Variants in N4BP2L2 observed in about 807,000 individuals in gnomAD.
N4BP2L2 encodes the protein NEDD4 binding protein 2 like 2, also known as NEDD4-binding protein 2-like 2.
A neutral mutation model predicts 56.2 loss-of-function variants in N4BP2L2; 50 were observed. That is an observed-to-expected ratio of 0.89 (90% CI 0.71 to 1.13). The LOEUF is 1.13. Ranked by LOEUF, N4BP2L2 falls within the 50% of genes most tolerant of loss-of-function variation. The probability of loss-of-function intolerance (pLI) is 0.00; values close to 1 mark genes in which losing one functional copy is unlikely to be tolerated. For synonymous variants in N4BP2L2, 203 were observed against 223.6 expected, an observed-to-expected ratio of 0.91 and a Z score of 0.82; for missense variants, 689 against 693.8, an observed-to-expected ratio of 0.99 and a Z score of 0.08.
intron 6 of N4BP2L2, chr13:32,505,168 C>T (rs919952819): frequency 6.6e-6 from 1 of 152,308 alleles, no homozygotes; most frequent in Non-Finnish European, 1.5e-5. Context: ...ATTCTTCCCT[C>T]TTCTTGAAGA....
chr13:32,535,734 A>C (rs1566195096), intron 2 of N4BP2L2, 35 bp downstream of exon 2: 6 of 1,565,664 alleles, frequency 3.8e-6, no homozygotes, highest in Non-Finnish European at 5.2e-6. Context: ...TTAAATAATG[A>C]ATTACCAAGT....
chr13:32,480,466 G>T, intron 6 of N4BP2L2: 1 of 409,460 alleles, frequency 2.4e-6, no homozygotes, highest in Non-Finnish European at 4.3e-6. Flanking sequence ...GCACTTACTA[G>T]TTAGTTGGAC....
chr13:32,536,293 T>C (rs1229902661), exon 2 of N4BP2L2: 34 of 1,613,492 alleles, frequency 2.1e-5, no homozygotes, highest in Non-Finnish European at 2.7e-5. Flanking sequence ...TACAGGGATA[T>C]TTGTCTGGCT....
At chr13:32,518,074 G>A in intron 5 of N4BP2L2, 71 bp from the exon 6 acceptor site, 3 of 1,337,454 alleles carry the variant, frequency 2.2e-6, no homozygotes, top group South Asian at 1.5e-5. Context: ...CTGTTTTAGA[G>A]AAAAAGCACA....
At chr13:32,522,059 C>A in intron 4 of N4BP2L2, 123 bp downstream of exon 4, 1 of 664,426 alleles carries the variant, frequency 1.5e-6, no homozygotes, top group South Asian at 1.9e-5. Flanking sequence ...AGCAAACCAA[C>A]AAACCTCTTT....
At chr13:32,450,273 T>A (rs953882497) in intron 6 of N4BP2L2, among the ~76,000 whole-genome samples, 1 of 152,028 alleles carries the variant, frequency 6.6e-6, no homozygotes, top group African/African-American at 2.4e-5. Context: ...GTAGAAAAAT[T>A]ATAATGGAAA....
At chr13:32,507,383 C>T (rs192607687), downstream of N4BP2L2, 9 of 152,156 alleles carry the variant, frequency 5.9e-5, no homozygotes, top group East Asian at 1.2e-3. Context: ...CCATTAGGTA[C>T]AAAAATCAAT....
chr13:32,487,541 A>G (rs2086153743), intron 6 of N4BP2L2, among the ~76,000 whole-genome samples: 1 of 151,482 alleles, frequency 6.6e-6, no homozygotes. Flanking sequence ...GCATTGTGGC[A>G]TGCGCCTGTA....
intron 6 of N4BP2L2, among the ~76,000 whole-genome samples, chr13:32,464,842 A>C (rs752813079): frequency 6.6e-6 from 1 of 152,248 alleles, no homozygotes; most frequent in Non-Finnish European, 1.5e-5. Context: ...TGAAATAAAA[A>C]CCAACCTCAT....
intron 2 of N4BP2L2, among the ~76,000 whole-genome samples, chr13:32,530,765 T>C (rs1205353573): frequency 2.6e-5 from 4 of 151,932 alleles, no homozygotes; most frequent in Admixed American, 1.3e-4. Context: ...AGGCCTCCAA[T>C]GATCCCTGCC....
At chr13:32,531,241 C>T (rs1017256564) in intron 2 of N4BP2L2, among the ~76,000 whole-genome samples, 1 of 152,180 alleles carries the variant, frequency 6.6e-6, no homozygotes, top group Non-Finnish European at 1.5e-5. Flanking sequence ...ACAGAAACTA[C>T]GAGGCAATAT....
intron 2 of N4BP2L2, among the ~76,000 whole-genome samples, chr13:32,530,459 T>C (rs570110797): frequency 1.3e-5 from 2 of 152,318 alleles, no homozygotes; most frequent in South Asian, 4.1e-4. Flanking sequence ...TCAAGTCAGG[T>C]ACTAAAATGG....
intron 6 of N4BP2L2, among the ~76,000 whole-genome samples, chr13:32,451,785 A>C (rs1330929796): frequency 6.6e-6 from 1 of 151,664 alleles, no homozygotes; most frequent in East Asian, 1.9e-4. Context: ...TCCTGGGCTC[A>C]AGCAATCCTC....
chr13:32,456,670 GAGAT>G (rs2079036886), intron 6 of N4BP2L2, among the ~76,000 whole-genome samples: 5 of 152,142 alleles, frequency 3.3e-5, no homozygotes, highest in Admixed American at 3.3e-4. Context: ...AAATTCACCA[GAGAT>G]AGATATCATA....
chr13:32,479,502 C>T (rs974343803), intron 6 of N4BP2L2, among the ~76,000 whole-genome samples: 4 of 151,652 alleles, frequency 2.6e-5, no homozygotes, highest in East Asian at 3.9e-4. Flanking sequence ...AGGATGGTCT[C>T]GATCTCCTGA....
intron 2 of N4BP2L2, among the ~76,000 whole-genome samples, chr13:32,532,167 G>A (rs1407055919): frequency 1.3e-5 from 2 of 152,008 alleles, no homozygotes; most frequent in Non-Finnish European, 1.5e-5. Context: ...CAGGTTTTAG[G>A]GATTAAAACA....
intron 7 of N4BP2L2, among the ~76,000 whole-genome samples, chr13:32,441,945 G>A (rs1215073129): frequency 6.6e-6 from 1 of 151,634 alleles, no homozygotes; most frequent in Non-Finnish European, 1.5e-5. Context: ...GCGTGGTGGC[G>A]GGCGCCTGTA....
chr13:32,458,238 G>C (rs1013930152), intron 6 of N4BP2L2, among the ~76,000 whole-genome samples: 4 of 151,992 alleles, frequency 2.6e-5, no homozygotes, highest in African/African-American at 7.3e-5. Flanking sequence ...CTACTTTTTT[G>C]TATTTTTTAG....
At chr13:32,506,962 G>A (rs912585688), downstream of N4BP2L2, 2 of 152,084 alleles carry the variant, frequency 1.3e-5, no homozygotes, top group Admixed American at 6.5e-5. Context: ...GGCACAAGGA[G>A]CTTCTAAGGT....
Sources: allele counts gnomAD v4.1 joint callset (sites outside exome capture counted in the v4.1 genomes callset), GRCh38; gene constraint gnomAD v4.1.1; transcripts MANE v1.5; gene names NCBI Gene and HGNC (gene_info 2026-07-23, HGNC 2026-07-21).